DPP10: variants seen among roughly 807,000 people sequenced by gnomAD.
DPP10 encodes the protein inactive dipeptidyl peptidase 10.
A neutral mutation model predicts 120.9 loss-of-function variants in DPP10; 33 were observed. The ratio of observed to expected loss-of-function variants is 0.27; its 90% CI spans 0.21 to 0.37. The LOEUF is 0.37. Among genes scored for constraint, DPP10 ranks in the 10% least tolerant of loss-of-function variants. The probability of loss-of-function intolerance (pLI) is 1.00; values close to 1 mark genes in which losing one functional copy is unlikely to be tolerated. For synonymous variants in DPP10, 337 were observed against 326.1 expected (o/e 1.03, Z -0.36); for missense variants, 816 against 942.8 (o/e 0.87, Z 1.76).
At chr2:115,656,122 T>C (rs2088302813) in intron 5 of DPP10, among the ~76,000 whole-genome samples, 1 of 143,868 alleles carries the variant, frequency 7.0e-6, no homozygotes, top group South Asian at 2.2e-4. Context: ...TCTCATGTTA[T>C]GTTCTTACCA....
chr2:115,726,974 G>A (rs1050813146), intron 7 of DPP10, among the ~76,000 whole-genome samples: 26 of 152,114 alleles, frequency 1.7e-4, no homozygotes, highest in African/African-American at 5.6e-4. Flanking sequence ...CCTAACCAAA[G>A]AAACATGGTT....
intron 1 of DPP10, among the ~76,000 whole-genome samples, chr2:114,705,108 G>A (rs908665877): frequency 1.3e-5 from 2 of 152,118 alleles, no homozygotes; most frequent in Non-Finnish European, 2.9e-5. Context: ...GGTAGCCTGA[G>A]CAGACTAGAA....
At chr2:114,881,557 CTATG>C (rs1226696488) in intron 1 of DPP10, among the ~76,000 whole-genome samples, 1 of 148,310 alleles carries the variant, frequency 6.7e-6, no homozygotes, top group African/African-American at 2.5e-5. Flanking sequence ...AAGTATCTAT[CTATG>C]TATCATCTAT....
chr2:115,442,788 A>G (rs988764365), intron 3 of DPP10, among the ~76,000 whole-genome samples: 1 of 152,142 alleles, frequency 6.6e-6, no homozygotes, highest in African/African-American at 2.4e-5. Context: ...TCCCAAGAGG[A>G]TTACATTATT....
intron 5 of DPP10, among the ~76,000 whole-genome samples, chr2:115,676,787 T>C (rs2090299907): frequency 6.6e-6 from 1 of 152,198 alleles, no homozygotes; most frequent in Non-Finnish European, 1.5e-5. Context: ...AATGATGTAA[T>C]AGCTGAAAAC....
chr2:115,778,539 T>C (rs1375864230), intron 15 of DPP10, among the ~76,000 whole-genome samples: 1 of 152,120 alleles, frequency 6.6e-6, no homozygotes, highest in Non-Finnish European at 1.5e-5. Flanking sequence ...GCAAGCAACC[T>C]ATTAATTCTA....
At chr2:114,629,920 T>G (rs1288760685) in intron 1 of DPP10, among the ~76,000 whole-genome samples, 1 of 152,096 alleles carries the variant, frequency 6.6e-6, no homozygotes, top group African/African-American at 2.4e-5. Flanking sequence ...GAGATAGCCA[T>G]GAAAATCAAT....
chr2:115,606,017 G>A (rs902177888), intron 5 of DPP10, among the ~76,000 whole-genome samples: 1 of 152,122 alleles, frequency 6.6e-6, no homozygotes, highest in South Asian at 2.1e-4. Flanking sequence ...AGAATTGTTG[G>A]TAAAATGAAG....
At chr2:115,383,923 C>G (rs2066641944) in intron 3 of DPP10, among the ~76,000 whole-genome samples, 3 of 152,156 alleles carry the variant, frequency 2.0e-5, no homozygotes, top group Admixed American at 6.5e-5. Flanking sequence ...AAAACTTAAT[C>G]CAAAGAAACC....
intron 1 of DPP10, among the ~76,000 whole-genome samples, chr2:114,528,626 A>C (rs1400629919): frequency 2.6e-5 from 4 of 151,432 alleles, no homozygotes; most frequent in African/African-American, 9.7e-5. Flanking sequence ...TGGTTCATAT[A>C]GATTTGAGAT....
At chr2:114,519,483 A>G (rs966583892) in intron 1 of DPP10, among the ~76,000 whole-genome samples, 27 of 152,238 alleles carry the variant, frequency 1.8e-4, no homozygotes, top group African/African-American at 6.0e-4. Context: ...GAGATACCCA[A>G]TGATATTCTA....
intron 5 of DPP10, among the ~76,000 whole-genome samples, chr2:115,687,003 T>A (rs1379651624): frequency 6.6e-6 from 1 of 152,040 alleles, no homozygotes; most frequent in Non-Finnish European, 1.5e-5. Context: ...AAATAAGACC[T>A]ACTTAGCCGT....
chr2:115,521,986 T>C lies in DPP10; in HGVS notation c.367-3912T>C, dbSNP rs1179559089. On this transcript the variant is annotated intron_variant, in intron 4 of 25. Transcript: ENST00000410059. ...GTGCATTTTTTGAAGTTTATTCTCATATTGTAGGTTGTAATTCAAAACTGG... is the reference window on the plus strand; with the variant it reads ...GTGCATTTTTTGAAGTTTATTCTCACATTGTAGGTTGTAATTCAAAACTGG... Among the ~76,000 whole-genome samples the C allele has an allele frequency of 2.0e-5, 3 of 152,174 alleles. No individual in the cohort carries two copies. In the East Asian group the frequency reaches 5.8e-4, roughly 29 times the overall value.
chr2:115,568,983 T>G (rs1176139483), intron 5 of DPP10, among the ~76,000 whole-genome samples: 1 of 152,232 alleles, frequency 6.6e-6, no homozygotes, highest in Non-Finnish European at 1.5e-5. Flanking sequence ...TGTGATAGTC[T>G]TCCTTAGTGT....
intron 1 of DPP10, among the ~76,000 whole-genome samples, chr2:115,282,321 A>G (rs544699794): frequency 1.3e-5 from 2 of 152,164 alleles, no homozygotes; most frequent in South Asian, 2.1e-4. Context: ...ACTAATTTTC[A>G]TGATTTTGGT....
At chr2:114,648,795 T>C in intron 1 of DPP10, among the ~76,000 whole-genome samples, 1 of 152,168 alleles carries the variant, frequency 6.6e-6, no homozygotes, top group East Asian at 1.9e-4. Context: ...GAAGAACTGG[T>C]AATTAGAGTG....
intron 1 of DPP10, among the ~76,000 whole-genome samples, chr2:114,647,880 A>G (rs1174134824): frequency 2.0e-5 from 3 of 151,818 alleles, no homozygotes; most frequent in African/African-American, 7.3e-5. Context: ...TTTCTGTTGT[A>G]TTTGGGGGGT....
At chr2:114,871,403 A>T (rs1304124779) in intron 1 of DPP10, among the ~76,000 whole-genome samples, 1 of 152,218 alleles carries the variant, frequency 6.6e-6, no homozygotes, top group Non-Finnish European at 1.5e-5. Flanking sequence ...GTTGGTGCAC[A>T]AGTAATTGCA....
At chr2:114,801,713 A>T (rs1377206156) in intron 1 of DPP10, among the ~76,000 whole-genome samples, 1 of 152,192 alleles carries the variant, frequency 6.6e-6, no homozygotes, top group African/African-American at 2.4e-5. Flanking sequence ...CCCACAAGGG[A>T]TGGATGTTAT....
Sources: gnomAD v4.1 joint callset for allele counts (sites outside exome capture counted in the v4.1 genomes callset) on GRCh38, gnomAD v4.1.1 for gene constraint, MANE v1.5 for transcripts, NCBI Gene and HGNC (gene_info 2026-07-23, HGNC 2026-07-21) for gene names.